The following RBL2 variants were observed in gnomAD, a reference collection of about 807,000 sequenced individuals.
The protein encoded by RBL2 is RB transcriptional corepressor like 2, also known as retinoblastoma-like protein 2.
RBL2 carries 56 observed loss-of-function variants against 126.0 expected under a neutral mutation model. The observed-to-expected ratio is 0.44, with a 90% confidence interval of 0.36 to 0.56. RBL2 has a LOEUF of 0.56. RBL2 is among the 20% of genes least tolerant of loss of function. The probability of loss-of-function intolerance (pLI) is 0.00; values close to 1 mark genes in which losing one functional copy is unlikely to be tolerated. For missense variants in RBL2, 1,229 were observed against 1,398.2 expected (o/e 0.88, Z 1.93); for synonymous variants, 454 against 478.5 (o/e 0.95, Z 0.67).
intron 15 of RBL2, 39 bp from the exon 16 acceptor site, chr16:53,470,344 T>C (rs770821366): frequency 9.4e-6 from 15 of 1,598,924 alleles, no homozygotes; most frequent in Non-Finnish European, 1.3e-5. Context: ...AACCTCTTAT[T>C]ATCAACATTT....
chr16:53,479,594 T>C, intron 18 of RBL2: 1 of 456,252 alleles, frequency 2.2e-6, no homozygotes, highest in Non-Finnish European at 3.9e-6. Flanking sequence ...CATTCATCTC[T>C]GAGAGGCAAA....
chr16:53,462,695 CAT>C (rs2058234428), intron 11 of RBL2, 40 bp downstream of exon 11: 1 of 1,283,618 alleles, frequency 7.8e-7, no homozygotes, highest in Non-Finnish European at 1.1e-6. Flanking sequence ...CGCAATGAAA[CAT>C]AATTTCCTTC....
chr16:53,459,905 G>A (rs1163724260), intron 9 of RBL2, among the ~76,000 whole-genome samples: 3 of 151,856 alleles, frequency 2.0e-5, no homozygotes, highest in Non-Finnish European at 4.4e-5. Context: ...AAGATTTCAG[G>A]GAGTGGTGAG....
chr16:53,471,051 T>C (rs572184365), intron 17 of RBL2, 129 bp downstream of exon 17: 3 of 925,100 alleles, frequency 3.2e-6, no homozygotes, highest in South Asian at 3.5e-5. Context: ...ACTAAATGGG[T>C]CTTAGTATAT....
chr16:53,467,741 A>C (rs772206051), intron 14 of RBL2, among the ~76,000 whole-genome samples: 7 of 152,218 alleles, frequency 4.6e-5, no homozygotes, highest in African/African-American at 7.2e-5. Flanking sequence ...TTTATTTATG[A>C]GCATACAAAA....
intron 13 of RBL2, 197 bp from the exon 14 acceptor site, chr16:53,466,861 G>A (rs1418084265): frequency 4.0e-6 from 2 of 497,558 alleles, no homozygotes; most frequent in African/African-American, 2.0e-5. Flanking sequence ...CTCATATTTA[G>A]TATCCAATTA....
intron 9 of RBL2, among the ~76,000 whole-genome samples, chr16:53,460,435 G>T (rs543384351): frequency 6.6e-5 from 10 of 152,086 alleles, no homozygotes; most frequent in Non-Finnish European, 1.3e-4. Flanking sequence ...TCATAAACTT[G>T]ATTGTGATTT....
At chr16:53,477,236 T>C (rs997802074) in intron 17 of RBL2, among the ~76,000 whole-genome samples, 3 of 152,238 alleles carry the variant, frequency 2.0e-5, no homozygotes, top group African/African-American at 7.2e-5. Flanking sequence ...GTTATAATTA[T>C]TGATACAATT....
At position 53,457,258 on chromosome 16, in the gene RBL2, C is replaced by CCTTTTTTTTTTTTTTTTTTTTTTTTTTTT; in HGVS notation, c.1180-2193_1180-2192insCTTTTTTTTTTTTTTTTTTTTTTTTTTTT. ...GGGTCATCAGGGTGGGTACAGATAG[C>CCTTTTTTTTTTTTTTTTTTTTTTTTTTTT]TTTTTTTTTTTTTTTTTTTGAGATG... On this transcript the variant is annotated intron_variant, in intron 8 of 21. Transcript: ENST00000262133. 4.8e-3 allele frequency among the ~76,000 whole-genome samples: 436 copies of CCTTTTTTTTTTTTTTTTTTTTTTTTTTTT among 89,906 alleles called. 99 individuals carry two copies. The highest frequency in any genetic ancestry group is 6.5e-3 in the South Asian group (16 of 2,470). 59.0% of individuals were successfully genotyped at this position (89,906 alleles called of 152,430 possible). A position where few individuals can be genotyped will look rare whatever the true frequency, so the allele number is the denominator to read the frequency against.
intron 21 of RBL2, among the ~76,000 whole-genome samples, chr16:53,485,004 TA>T (rs11295682): frequency 0.2 from 29,251 of 145,444 alleles, 3,571 homozygotes; most frequent in Non-Finnish European, 0.28. Context: ...TAACCCTAAA[TA>T]AAAAAAAAAA....
chr16:53,460,035 A>G (rs941942677), intron 9 of RBL2, among the ~76,000 whole-genome samples: 3 of 152,176 alleles, frequency 2.0e-5, no homozygotes, highest in African/African-American at 7.2e-5. Context: ...AGAGTTCCAC[A>G]TGTTCATAAA....
intron 21 of RBL2, among the ~76,000 whole-genome samples, chr16:53,486,926 AAGT>A (rs1961200013): frequency 6.6e-6 from 1 of 152,248 alleles, no homozygotes; most frequent in African/African-American, 2.4e-5. Flanking sequence ...GAACAATCAG[AAGT>A]AAAATAAAAA....
intron 17 of RBL2, among the ~76,000 whole-genome samples, chr16:53,475,486 G>C (rs1847362752): frequency 1.3e-5 from 2 of 152,192 alleles, no homozygotes. Context: ...AAAGTGCTGG[G>C]ATTGCAGGCA....
chr16:53,475,884 C>T (rs1224133403), intron 17 of RBL2, among the ~76,000 whole-genome samples: 3 of 118,516 alleles, frequency 2.5e-5, no homozygotes, highest in South Asian at 5.5e-4. Context: ...CTTGCTCTGT[C>T]GCCTAGGCTG....
chr16:53,456,107 TC>T (rs2058164848), intron 8 of RBL2, among the ~76,000 whole-genome samples: 1 of 151,830 alleles, frequency 6.6e-6, no homozygotes. Flanking sequence ...GCCCAGGAGT[TC>T]CAGGCTGCAG....
At position 53,448,452 on chromosome 16, in the gene RBL2, C is replaced by T. The variant is rs147251727; in HGVS notation, c.637+1346C>T. 5.8e-3 allele frequency among the ~76,000 whole-genome samples: 881 copies of T among 151,868 alleles called. 7 individuals are homozygous for T. Among genetic ancestry groups the T allele is most frequent in the African/African-American group, 0.02 (844 of 41,438 alleles). ...GCTTACAGGCGTGAGCCATCGCACC[C>T]GGCCTAGCTTAACTCATTTACTTTA... On this transcript the variant is annotated intron_variant, in intron 4 of 21. Transcript: ENST00000262133.
At chr16:53,447,402 A>C (rs1021461148) in intron 4 of RBL2, among the ~76,000 whole-genome samples, 40 of 152,120 alleles carry the variant, frequency 2.6e-4, no homozygotes, top group Admixed American at 2.4e-3. Context: ...ATTATTCTGT[A>C]TATGCTTGTA....
chr16:53,434,638 G>C lies in RBL2; in HGVS notation c.82G>C (p.Asp28His). ...AGCCTCGGATGAGGAGGAGGAGGACGACGGCGAGGCGGAAGACGCCGCGCC... is the reference window on the plus strand; with the variant it reads ...AGCCTCGGATGAGGAGGAGGAGGACCACGGCGAGGCGGAAGACGCCGCGCC... ...AAASDEEEED[D>H]GEAEDAAPPA... Residue 28 changes from aspartate to histidine, a missense_variant, in exon 1 of 22, where the codon GAC becomes CAC. By Grantham distance (81) the Asp-to-His change is moderately conservative (BLOSUM62 -1). Coordinates refer to ENST00000262133, the MANE Select transcript of RBL2 (RefSeq NM_005611.4). The C allele has an allele frequency of 1.3e-6, 2 of 1,563,768 alleles. No homozygotes were observed. Among genetic ancestry groups the C allele is most frequent in the East Asian group, 4.7e-5 (2 of 42,866 alleles).
chr16:53,481,664 TA>T lies in RBL2; in HGVS notation c.3085-4del. ...CTTAGAATTACTGATTTTTTTTTTTTAAACAGATGGATGCTCCTCCACTCTC... is the reference window on the plus strand; with the variant it reads ...CTTAGAATTACTGATTTTTTTTTTTTAACAGATGGATGCTCCTCCACTCTC... On this transcript the variant is annotated splice_polypyrimidine_tract_variant and splice_region_variant and intron_variant, in intron 20 of 21. Coordinates refer to ENST00000262133, the MANE Select transcript of RBL2 (RefSeq NM_005611.4). 1 of 1,545,378 alleles carries T rather than the reference TA, an allele frequency of 6.5e-7. No homozygotes were observed.
Sources: allele counts gnomAD v4.1 joint callset (sites outside exome capture counted in the v4.1 genomes callset), GRCh38; gene constraint gnomAD v4.1.1; transcripts MANE v1.5; gene names NCBI Gene and HGNC (gene_info 2026-07-23, HGNC 2026-07-21).